TSHR: variants seen among roughly 807,000 people sequenced by gnomAD.
TSHR encodes the protein thyroid stimulating hormone receptor, also known as thyrotropin receptor.
Under a neutral mutation model 64.1 loss-of-function variants are expected in TSHR, and 51 were observed. That is an observed-to-expected ratio of 0.80 (90% confidence interval 0.64 to 1.01). The LOEUF (loss-of-function observed/expected upper bound fraction) is 1.01. Ranked by LOEUF, TSHR falls within the 50% of genes least tolerant of loss-of-function variation. TSHR has a pLI of 0.00. For synonymous variants in TSHR, 361 were observed against 361.9 expected (o/e 1.00, Z 0.03); for missense variants, 877 against 942.8 (o/e 0.93, Z 0.91).
intron 3 of TSHR, among the ~76,000 whole-genome samples, chr14:81,086,550 G>C (rs894195724): frequency 1.3e-5 from 2 of 152,124 alleles, no homozygotes; most frequent in African/African-American, 4.8e-5. Flanking sequence ...CTATGTGGAG[G>C]CCAAACATAA....
intron 2 of TSHR, among the ~76,000 whole-genome samples, chr14:81,063,427 C>T (rs981388733): frequency 2.0e-5 from 3 of 152,170 alleles, no homozygotes; most frequent in Admixed American, 6.6e-5. Flanking sequence ...AATATTACCA[C>T]TTGGATGTCC....
chr14:81,094,858 G>C (rs1056156505), intron 6 of TSHR, among the ~76,000 whole-genome samples: 1 of 151,450 alleles, frequency 6.6e-6, no homozygotes. Flanking sequence ...TCCTCACTTT[G>C]TTAAATATAT....
rs533367914 is a variant in TSHR, at chr14:81,088,614, G to A, written c.392+586G>A. On this transcript the variant is annotated intron_variant, in intron 4 of 9. Coordinates refer to ENST00000298171, the MANE Select transcript of TSHR (RefSeq NM_000369.5). ...CTGCCTAGTACAGAGTAGGCGCTCAGTACAAATGTGTTCAGTGGATGTGTC... is the reference window on the plus strand; with the variant it reads ...CTGCCTAGTACAGAGTAGGCGCTCAATACAAATGTGTTCAGTGGATGTGTC... Among the ~76,000 whole-genome samples, 5 of 152,268 alleles carry A rather than the reference G, an allele frequency of 3.3e-5. No individual in the cohort carries two copies. The South Asian group carries it at 1.0e-3, about 32-fold the overall frequency.
Position 81,108,469 on chromosome 14 carries a change from A to G in TSHR, c.692+17A>G, listed in dbSNP as rs757671783. On this transcript the variant is annotated intron_variant, in intron 8 of 9. Transcript: ENST00000298171. Reference sequence around the variant, plus strand: ...AAGCTTGCTGTGAGTAAGACATACAAAAGAATATTTTAGTCTTTTTTTTTC... The same window carrying G: ...AAGCTTGCTGTGAGTAAGACATACAGAAGAATATTTTAGTCTTTTTTTTTC... The G allele has an allele frequency of 2.0e-6, 3 of 1,512,752 alleles. No individual in the cohort carries two copies. The East Asian group carries it at 6.8e-5, about 34-fold the overall frequency. The allele number at this position is 1,512,752 out of a possible 1,614,324, so 93.7% of individuals were successfully genotyped here.
At chr14:81,136,899 C>T (rs904884559) in intron 8 of TSHR, among the ~76,000 whole-genome samples, 2 of 152,152 alleles carry the variant, frequency 1.3e-5, no homozygotes, top group Non-Finnish European at 2.9e-5. Flanking sequence ...AGACTTACTG[C>T]ACCTGGATCT....
chr14:81,126,744 T>A (rs1891035949), intron 8 of TSHR, among the ~76,000 whole-genome samples: 1 of 152,214 alleles, frequency 6.6e-6, no homozygotes, highest in Admixed American at 6.5e-5. Flanking sequence ...TTGTTCTTTG[T>A]TGAGCAAGTA....
At chr14:80,965,374 GA>G (rs1472134149) in intron 1 of TSHR, among the ~76,000 whole-genome samples, 1 of 152,154 alleles carries the variant, frequency 6.6e-6, no homozygotes, top group Non-Finnish European at 1.5e-5. Context: ...CAACACCTTT[GA>G]ATGTCATGGT....
chr14:81,023,157 G>T (rs1256863161), intron 1 of TSHR, among the ~76,000 whole-genome samples: 1 of 152,224 alleles, frequency 6.6e-6, no homozygotes, highest in Non-Finnish European at 1.5e-5. Flanking sequence ...ACTGAGTAAA[G>T]CAGATTGACC....
At chr14:81,001,166 C>T (rs1889290559) in intron 1 of TSHR, 3 of 170,526 alleles carry the variant, frequency 1.8e-5, no homozygotes, top group South Asian at 1.5e-4. Context: ...GAATTTATTC[C>T]CATGCCGTAA....
chr14:81,121,647 A>G lies in TSHR; in HGVS notation c.692+13195A>G, dbSNP rs1422911601. Reference sequence around the variant, plus strand: ...ACTCCAAGAGGAAGGTCTTCTAGAAATAAAAGAGGGTTGGCTGGGCACGGT... The same window carrying G: ...ACTCCAAGAGGAAGGTCTTCTAGAAGTAAAAGAGGGTTGGCTGGGCACGGT... On this transcript the variant is annotated intron_variant, in intron 8 of 9. Coordinates refer to ENST00000298171, the MANE Select transcript of TSHR (RefSeq NM_000369.5). Among the ~76,000 whole-genome samples the G allele has an allele frequency of 2.6e-5, 4 of 152,178 alleles. 1 individual carries two copies.
rs751078034 is a variant in TSHR at position 81,145,528 on chromosome 14, G to A, written c.*1175G>A. The A allele has an allele frequency of 3.4e-5, 8 of 232,716 alleles. No individual in the cohort carries two copies. The South Asian group carries it at 5.4e-4, about 16-fold the overall frequency. 14.4% of individuals were successfully genotyped at this position (232,716 alleles called of 1,614,324 possible). A position where few individuals can be genotyped will look rare whatever the true frequency, so the allele number is the denominator to read the frequency against. ...GTTATATCAGGCCAAAAACAGATTC[G>A]TGTTTATATAAAAGAGTAAACGATG... On this transcript the variant is annotated 3_prime_UTR_variant, in exon 10 of 10. Coordinates refer to ENST00000298171, the MANE Select transcript of TSHR (RefSeq NM_000369.5).
At chr14:80,987,077 T>A (rs897240865) in intron 1 of TSHR, among the ~76,000 whole-genome samples, 1 of 152,210 alleles carries the variant, frequency 6.6e-6, no homozygotes, top group Non-Finnish European at 1.5e-5. Context: ...TTCTTCTCTG[T>A]ATGTAAATTA....
At chr14:81,068,438 C>T in intron 3 of TSHR, 110 bp downstream of exon 3, 1 of 951,198 alleles carries the variant, frequency 1.1e-6, no homozygotes, top group Non-Finnish European at 1.7e-6. Context: ...TGAGTCAAAA[C>T]TTCTGTTTAT....
intron 7 of TSHR, chr14:81,105,323 C>T: frequency 1.3e-6 from 1 of 775,644 alleles, no homozygotes; most frequent in Non-Finnish European, 1.6e-6. Flanking sequence ...TTCCCCTCCC[C>T]ACTGTCTTGA....
intron 1 of TSHR, chr14:81,012,409 A>C (rs1029035284): frequency 6.6e-6 from 1 of 151,802 alleles, no homozygotes; most frequent in South Asian, 2.1e-4. Context: ...ATACGTGTGC[A>C]TGTGTCTTTA....
intron 4 of TSHR, among the ~76,000 whole-genome samples, chr14:81,089,251 G>A (rs1345485516): frequency 6.6e-6 from 1 of 152,168 alleles, no homozygotes; most frequent in African/African-American, 2.4e-5. Flanking sequence ...GCCTCCCAAA[G>A]TGCTGGGACT....
At chr14:81,071,450 G>A (rs1270709370) in intron 3 of TSHR, among the ~76,000 whole-genome samples, 1 of 152,048 alleles carries the variant, frequency 6.6e-6, no homozygotes, top group East Asian at 1.9e-4. Context: ...ATTTTCAAGT[G>A]TTTCTTTAAT....
At chr14:81,020,335 C>T (rs1883680019) in intron 1 of TSHR, among the ~76,000 whole-genome samples, 1 of 152,122 alleles carries the variant, frequency 6.6e-6, no homozygotes. Flanking sequence ...AGAAACCAGG[C>T]CACATAGAGG....
chr14:80,977,867 T>C (rs1207692232), intron 1 of TSHR, among the ~76,000 whole-genome samples: 1 of 152,160 alleles, frequency 6.6e-6, no homozygotes, highest in Non-Finnish European at 1.5e-5. Context: ...AGTATAACTC[T>C]TAACTGTAAG....
Sources: gnomAD v4.1 joint callset for allele counts (sites outside exome capture counted in the v4.1 genomes callset) on GRCh38, gnomAD v4.1.1 for gene constraint, MANE v1.5 for transcripts, NCBI Gene and HGNC (gene_info 2026-07-23, HGNC 2026-07-21) for gene names.